The following INTS2 variants were observed in gnomAD, a reference collection of about 807,000 sequenced individuals.
The protein encoded by INTS2 is integrator complex subunit 2.
INTS2 carries 57 observed loss-of-function variants against 139.6 expected under a neutral mutation model. The ratio of observed to expected loss-of-function variants is 0.41; its 90% CI spans 0.33 to 0.51. The LOEUF is 0.51. Ranked by LOEUF, INTS2 falls within the 20% of genes least tolerant of loss-of-function variation. INTS2 has a pLI of 0.28. For missense variants in INTS2, 1,196 were observed against 1,436.7 expected, an observed-to-expected ratio of 0.83 and a Z score of 2.71; for synonymous variants, 473 against 493.4, an observed-to-expected ratio of 0.96 and a Z score of 0.55.
intron 4 of INTS2, among the ~76,000 whole-genome samples, chr17:61,920,724 A>ACCC: frequency 6.6e-6 from 1 of 150,444 alleles, no homozygotes; most frequent in East Asian, 2.0e-4. Context: ...AATCACTTGA[A>ACCC]CCCCGGAGGC....
chr17:61,911,089 G>GT (rs1052362117), intron 7 of INTS2: 200 of 183,674 alleles, frequency 1.1e-3, no homozygotes, highest in Middle Eastern at 4.2e-3. Context: ...TTTGGTTTTG[G>GT]TTTTTTTTTA....
intron 18 of INTS2, among the ~76,000 whole-genome samples, chr17:61,877,324 T>C (rs1394711351): frequency 6.6e-6 from 1 of 152,226 alleles, no homozygotes; most frequent in Non-Finnish European, 1.5e-5. Context: ...ACTTAACTTG[T>C]ATACTATTTA....
At position 61,867,951 on chromosome 17, in the gene INTS2, A is replaced by G. The variant is rs750237733; in HGVS notation, c.3303T>C (p.Ser1101=). The G allele has an allele frequency of 1.2e-6, 2 of 1,612,436 alleles. No homozygotes were observed. Among genetic ancestry groups the G allele is most frequent in the South Asian group, 2.2e-5 (2 of 90,586 alleles). ...FFMPTLPSLV[S]FCRAFPPLYE... The stretch of plus-strand genomic sequence containing the variant: ...ACAATGGAGGAAATGCTCGACAAAA[A>G]GAGACCAAACTTGGCAGAGTTGGCA... The change falls in exon 24 of 25, where the codon TCT becomes TCC. Residue 1101 remains serine, a synonymous_variant. Transcript: ENST00000251334. This position sits in a 1 kb window ranked among gnomAD's most constrained non-coding sequence, Gnocchi z 5.6.
intron 5 of INTS2, among the ~76,000 whole-genome samples, chr17:61,914,423 GGT>G (rs2079556535): frequency 6.6e-6 from 1 of 152,138 alleles, no homozygotes; most frequent in South Asian, 2.1e-4. Context: ...GGGCGCGCCA[GGT>G]GCAGTGGCTC....
chr17:61,906,045 T>G (rs2079459311), intron 8 of INTS2, among the ~76,000 whole-genome samples: 1 of 152,200 alleles, frequency 6.6e-6, no homozygotes, highest in African/African-American at 2.4e-5. Context: ...TATCTGTTTT[T>G]GGAATATAAT....
intron 17 of INTS2, 143 bp downstream of exon 17, chr17:61,880,864 A>G: frequency 1.7e-6 from 1 of 603,744 alleles, no homozygotes; most frequent in East Asian, 3.1e-5. Flanking sequence ...TTAAACGCAA[A>G]GAGTATTTTA....
At chr17:61,920,486 CT>C (rs1187583288) in intron 4 of INTS2, among the ~76,000 whole-genome samples, 32,207 of 106,460 alleles carry the variant, frequency 0.3, 6,366 homozygotes, top group African/African-American at 0.56. Context: ...CTGGCCTATA[CT>C]TTTTTTTTTT....
intron 9 of INTS2, among the ~76,000 whole-genome samples, chr17:61,898,437 G>A (rs1390920273): frequency 6.6e-6 from 1 of 152,062 alleles, no homozygotes; most frequent in Non-Finnish European, 1.5e-5. Context: ...TGGGACTACA[G>A]GCATGCGCTA....
chr17:61,899,229 T>C (rs946435209), intron 9 of INTS2, among the ~76,000 whole-genome samples: 1 of 152,144 alleles, frequency 6.6e-6, no homozygotes, highest in African/African-American at 2.4e-5. Context: ...TTTTCCTTTT[T>C]CACTGTAGCT....
At chr17:61,922,511 C>T (rs375553437) in intron 3 of INTS2, among the ~76,000 whole-genome samples, 13 of 73,210 alleles carry the variant, frequency 1.8e-4, no homozygotes, top group East Asian at 5.8e-4. Context: ...AACAAACAAA[C>T]ATATATATAT....
intron 4 of INTS2, 53 bp from the exon 5 acceptor site, chr17:61,919,566 C>T (rs751028983): frequency 1.7e-5 from 15 of 893,866 alleles, no homozygotes; most frequent in East Asian, 2.6e-5. Flanking sequence ...CACTCCACCA[C>T]ACCCAGCTAA....
Position 61,867,327 on chromosome 17 carries a change from C to A in INTS2, c.*230G>T. 1 of 294,498 alleles carries A rather than the reference C, an allele frequency of 3.4e-6. No homozygotes were observed. The highest frequency in any genetic ancestry group is 6.2e-6 in the Non-Finnish European group (1 of 160,936). The allele number at this position is 294,498 out of a possible 1,614,324, so 18.2% of individuals were successfully genotyped here. On this transcript the variant is annotated 3_prime_UTR_variant, in exon 25 of 25. Transcript: ENST00000251334. This position sits in a 1 kb window ranked among gnomAD's most constrained non-coding sequence, Gnocchi z 5.6. ...GTTCCCAGTGGAAAAAAAAAAAGCT[C>A]AGCTGCTACAATAGAAACATATCAG...
At chr17:61,885,414 C>CTTTT (rs201806448) in intron 15 of INTS2, 2 of 141,970 alleles carry the variant, frequency 1.4e-5, no homozygotes, top group East Asian at 2.0e-4. Context: ...GTAATTTTAT[C>CTTTT]TTTTTTTTTT....
chr17:61,873,072 A>G lies in INTS2; in HGVS notation c.2583-612T>C, dbSNP rs1302236843. Among the ~76,000 whole-genome samples, 1 of 152,206 alleles carries G rather than the reference A, an allele frequency of 6.6e-6. No individual in the cohort carries two copies. Among genetic ancestry groups the G allele is most frequent in the African/African-American group, 2.4e-5 (1 of 41,460 alleles). On this transcript the variant is annotated intron_variant, in intron 19 of 24. Coordinates refer to ENST00000251334, the MANE Select transcript of INTS2 (RefSeq NM_001351695.2). This position sits in a 1 kb window ranked among gnomAD's most constrained non-coding sequence, Gnocchi z 4.0. The stretch of plus-strand genomic sequence containing the variant: ...AAATGAGCACGACACTTTTGCCCCA[A>G]TAATTCCATTTTCCCATGTTCTAAT...
Position 61,926,590 on chromosome 17 carries a change from G to C in INTS2, c.55C>G (p.Gln19Glu). 6.2e-7 allele frequency: 1 copy of C among 1,612,612 alleles called. No individual in the cohort carries two copies. The highest frequency in any genetic ancestry group is 8.5e-7 in the Non-Finnish European group (1 of 1,179,172). ...FVSPFAFEAMQKVDVVCLASL... is the reference protein window; with the variant it reads ...FVSPFAFEAMEKVDVVCLASL... ...GCCAGGCAAACAACATCCACCTTCT[G>C]CATTGCCTCAAAAGCAAAAGGGCTG... Residue 19 changes from glutamine (Q) to glutamate (E), a missense_variant, in exon 2 of 25, where the codon CAG becomes GAG. Physicochemically the swap from Gln to Glu is conservative, Grantham distance 29. Transcript: ENST00000251334.
At chr17:61,911,776 T>C in intron 6 of INTS2, 83 bp from the exon 7 acceptor site, 3 of 1,466,854 alleles carry the variant, frequency 2.0e-6, no homozygotes, top group Non-Finnish European at 2.8e-6. Context: ...GTATCTAAAG[T>C]TTAGAGGAAG....
In INTS2 at chr17:61,885,009, T is replaced by C. The variant is rs761177751; in HGVS notation, c.1985-4A>G. On this transcript the variant is annotated splice_polypyrimidine_tract_variant and splice_region_variant and intron_variant, in intron 15 of 24. Transcript: ENST00000251334. Reference sequence around the variant, plus strand: ...TTGGGCTTTCTTTGCATGGCAGCTATCAAAGATAAAAAGTGTAAAATAAAT... The same window carrying C: ...TTGGGCTTTCTTTGCATGGCAGCTACCAAAGATAAAAAGTGTAAAATAAAT... The C allele has an allele frequency of 6.4e-7, 1 of 1,553,310 alleles. No individual in the cohort carries two copies. The highest frequency in any genetic ancestry group is 8.8e-7 in the Non-Finnish European group (1 of 1,136,540).
chr17:61,918,914 T>G (rs993028268), intron 5 of INTS2, among the ~76,000 whole-genome samples: 1 of 150,756 alleles, frequency 6.6e-6, no homozygotes, highest in Non-Finnish European at 1.5e-5. Context: ...CATCTTCTAG[T>G]TCCTTGGGGT....
chr17:61,897,983 C>T lies in INTS2; in HGVS notation c.1308-244G>A, dbSNP rs1316826232. The stretch of plus-strand genomic sequence containing the variant: ...TCCCCTCTCAAAGTCTTAGTTACTG[C>T]CTTCACAGGTTGGAAAGAGTAAGAT... On this transcript the variant is annotated intron_variant, in intron 9 of 24. Transcript: ENST00000251334. The surrounding 1 kb of genome is among the most constrained non-coding windows in gnomAD (Gnocchi z 4.4). Among the ~76,000 whole-genome samples the T allele has an allele frequency of 2.0e-5, 3 of 152,050 alleles. No homozygotes were observed. The highest frequency in any genetic ancestry group is 7.2e-5 in the African/African-American group (3 of 41,404).
Sources: gnomAD v4.1 joint callset for allele counts (sites outside exome capture counted in the v4.1 genomes callset) on GRCh38, gnomAD v4.1.1 for gene constraint, Gnocchi (gnomAD v3.1) non-coding constraint, MANE v1.5 for transcripts, NCBI Gene and HGNC (gene_info 2026-07-23, HGNC 2026-07-21) for gene names.